CHIC1: variants seen among roughly 807,000 people sequenced by gnomAD.
CHIC1 encodes the protein cysteine rich hydrophobic domain 1, also known as cysteine-rich hydrophobic domain-containing protein 1.
A neutral mutation model predicts 18.5 loss-of-function variants in CHIC1; 7 were observed. The ratio of observed to expected loss-of-function variants is 0.38; its 90% CI spans 0.22 to 0.71. CHIC1 has a LOEUF of 0.71. Among genes scored for constraint, CHIC1 ranks in the 30% least tolerant of loss-of-function variants. The pLI, the probability that CHIC1 is intolerant of heterozygous loss-of-function variation, is 0.49. For missense variants in CHIC1, 159 were observed against 176.9 expected, an observed-to-expected ratio of 0.90 and a Z score of 0.57; for synonymous variants, 77 against 73.5, an observed-to-expected ratio of 1.05 and a Z score of -0.25.
intron 1 of CHIC1, among the ~76,000 whole-genome samples, chrX:73,574,726 A>G (rs2057488372): frequency 9.0e-6 from 1 of 110,823 alleles, no homozygotes; most frequent in Admixed American, 9.6e-5. Flanking sequence ...TGTTCATAAT[A>G]GTTATACGAA....
intron 3 of CHIC1, among the ~76,000 whole-genome samples, chrX:73,610,496 T>C (rs1209931696): frequency 1.2e-5 from 1 of 80,144 alleles, no homozygotes; most frequent in East Asian, 3.7e-4. Flanking sequence ...AGCTACAGAC[T>C]GCAGCTGTTC....
At chrX:73,659,430 G>A (rs996999881) in intron 3 of CHIC1, among the ~76,000 whole-genome samples, 1 of 83,195 alleles carries the variant, frequency 1.2e-5, no homozygotes, top group Non-Finnish European at 2.1e-5. Context: ...GTACAGATGT[G>A]TGCAGCAATG....
intron 3 of CHIC1, among the ~76,000 whole-genome samples, chrX:73,640,115 T>C (rs181954422): frequency 2.0e-3 from 228 of 111,849 alleles, no homozygotes; most frequent in African/African-American, 6.9e-3. Context: ...CAGTTTTCCA[T>C]GGGAATGCTT....
chrX:73,597,356 T>C (rs1297046014), intron 3 of CHIC1, among the ~76,000 whole-genome samples: 1 of 110,436 alleles, frequency 9.1e-6, no homozygotes, highest in East Asian at 2.8e-4. Context: ...TCTTTAGTTG[T>C]GGGTGTTTTT....
intron 3 of CHIC1, among the ~76,000 whole-genome samples, chrX:73,641,080 GC>G (rs1443657981): frequency 9.0e-6 from 1 of 111,552 alleles, no homozygotes; most frequent in East Asian, 2.8e-4. Flanking sequence ...CTTGATTTCT[GC>G]CTGAATTTTA....
chrX:73,635,284 C>A (rs1459869888), intron 3 of CHIC1, among the ~76,000 whole-genome samples: 1 of 111,550 alleles, frequency 9.0e-6, no homozygotes, highest in Non-Finnish European at 1.9e-5. Flanking sequence ...TGATTTGCTT[C>A]TATTTTGTTG....
rs777321950 is a variant in CHIC1 at position 73,674,946 on chromosome X, C to G, written c.508-4380C>G. On this transcript the variant is annotated intron_variant, in intron 3 of 5. Transcript: ENST00000373502. ...TCTGGTATGTTGTGTCTTTGTTCTC[C>G]TTGGTTTCAAAGAACATCTTTATTT... Among the ~76,000 whole-genome samples the G allele has an allele frequency of 2.5e-3, 274 of 111,285 alleles. 1 individual carries two copies. The highest frequency in any genetic ancestry group is 7.5e-3 in the African/African-American group (231 of 30,646).
chrX:73,595,248 C>T (rs1171330848), intron 3 of CHIC1, among the ~76,000 whole-genome samples: 1 of 110,699 alleles, frequency 9.0e-6, no homozygotes, highest in Non-Finnish European at 1.9e-5. Flanking sequence ...TAGCTATACA[C>T]GTGCCATGGT....
chrX:73,652,272 C>G (rs1354487979), intron 3 of CHIC1, among the ~76,000 whole-genome samples: 1 of 112,007 alleles, frequency 8.9e-6, no homozygotes, highest in Non-Finnish European at 1.9e-5. Flanking sequence ...AATCCCAAAA[C>G]CATAAAAGCC....
intron 3 of CHIC1, among the ~76,000 whole-genome samples, chrX:73,651,789 A>G (rs188405437): frequency 1.3e-3 from 144 of 111,912 alleles, no homozygotes; most frequent in African/African-American, 4.2e-3. Context: ...GGAAGAATCA[A>G]TATCATGAAC....
At chrX:73,671,919 G>A (rs370255104) in intron 3 of CHIC1, among the ~76,000 whole-genome samples, 4 of 109,354 alleles carry the variant, frequency 3.7e-5, no homozygotes, top group Admixed American at 2.0e-4. Flanking sequence ...ATCCCTCCCC[G>A]CTCCCACACC....
intron 3 of CHIC1, among the ~76,000 whole-genome samples, chrX:73,593,989 T>TG (rs2057594244): frequency 9.0e-6 from 1 of 111,448 alleles, no homozygotes; most frequent in Non-Finnish European, 1.9e-5. Flanking sequence ...TTTGAATTGC[T>TG]GGAGTTATTG....
At chrX:73,591,146 A>G (rs1309558728) in intron 3 of CHIC1, among the ~76,000 whole-genome samples, 2 of 111,614 alleles carry the variant, frequency 1.8e-5, no homozygotes, top group Non-Finnish European at 3.8e-5. Flanking sequence ...GTAGGTAGTG[A>G]TATCTCACTA....
At chrX:73,593,453 G>A (rs1159909889) in intron 3 of CHIC1, among the ~76,000 whole-genome samples, 4 of 110,995 alleles carry the variant, frequency 3.6e-5, no homozygotes, top group South Asian at 7.6e-4. Flanking sequence ...TTTGCATGTC[G>A]ACCTCTACCA....
intron 3 of CHIC1, among the ~76,000 whole-genome samples, chrX:73,598,329 C>CTT (rs111340285): frequency 3.1e-4 from 31 of 99,557 alleles, no homozygotes; most frequent in South Asian, 1.8e-3. Flanking sequence ...TTGCATTTCT[C>CTT]TTTTTTTTTT....
intron 3 of CHIC1, among the ~76,000 whole-genome samples, chrX:73,655,524 GTGTATATA>G (rs2057942580): frequency 2.7e-5 from 2 of 74,684 alleles, no homozygotes; most frequent in Admixed American, 3.3e-4. Context: ...ACACAATATT[GTGTATATA>G]TATATACATA....
chrX:73,657,849 G>A (rs2147615403), intron 3 of CHIC1, among the ~76,000 whole-genome samples: 1 of 111,368 alleles, frequency 9.0e-6, no homozygotes, highest in Non-Finnish European at 1.9e-5. Flanking sequence ...TTTATTGAAG[G>A]CCTTTTTTTG....
chrX:73,591,992 T>G (rs1046589548), intron 3 of CHIC1, among the ~76,000 whole-genome samples: 2 of 111,558 alleles, frequency 1.8e-5, no homozygotes, highest in African/African-American at 6.5e-5. Context: ...TCTTTTACTT[T>G]TCCATATAAA....
chrX:73,674,106 A>T (rs753879586), intron 3 of CHIC1, among the ~76,000 whole-genome samples: 2 of 111,891 alleles, frequency 1.8e-5, no homozygotes, highest in South Asian at 7.5e-4. Flanking sequence ...AGCCGACTTG[A>T]TCATGGTGGA....
Sources: gnomAD v4.1 joint callset for allele counts (sites outside exome capture counted in the v4.1 genomes callset) on GRCh38, gnomAD v4.1.1 for gene constraint, MANE v1.5 for transcripts, NCBI Gene and HGNC (gene_info 2026-07-23, HGNC 2026-07-21) for gene names.